The following PIK3C2G variants were observed in gnomAD, a reference collection of about 807,000 sequenced individuals.
The protein encoded by PIK3C2G is phosphatidylinositol 3-kinase C2 domain-containing subunit gamma.
A neutral mutation model predicts 181.1 loss-of-function variants in PIK3C2G; 168 were observed. That is an observed-to-expected ratio of 0.93 (90% confidence interval 0.82 to 1.05). The LOEUF is 1.05. PIK3C2G is among the 50% of genes least tolerant of loss of function. The probability of loss-of-function intolerance (pLI) is 0.00; values close to 1 mark genes in which losing one functional copy is unlikely to be tolerated. For missense variants in PIK3C2G, 1,869 were observed against 1,732.8 expected (o/e 1.08, Z -1.40); for synonymous variants, 573 against 592.2 (o/e 0.97, Z 0.47).
intron 18 of PIK3C2G, among the ~76,000 whole-genome samples, chr12:18,480,089 T>C (rs1244400092): frequency 6.6e-6 from 1 of 152,010 alleles, no homozygotes; most frequent in Non-Finnish European, 1.5e-5. Context: ...AAGGCTTTCT[T>C]GGGGATCAGG....
chr12:18,571,530 T>C (rs1184473692), intron 29 of PIK3C2G, among the ~76,000 whole-genome samples: 2 of 150,836 alleles, frequency 1.3e-5, no homozygotes, highest in Non-Finnish European at 2.9e-5. Context: ...GTGACTGTTA[T>C]TAGGATCACT....
intron 29 of PIK3C2G, among the ~76,000 whole-genome samples, chr12:18,578,723 C>T (rs567556766): frequency 5.3e-5 from 8 of 152,174 alleles, no homozygotes; most frequent in African/African-American, 1.9e-4. Flanking sequence ...ATAGTTATAT[C>T]TACATAAACA....
chr12:18,550,004 T>C (rs540992356), intron 26 of PIK3C2G, among the ~76,000 whole-genome samples: 2 of 152,154 alleles, frequency 1.3e-5, no homozygotes, highest in South Asian at 4.1e-4. Context: ...ATCTCAGTCA[T>C]ATTTTTTAAT....
At chr12:18,379,082 C>T (rs1376860041) in intron 13 of PIK3C2G, among the ~76,000 whole-genome samples, 1 of 152,016 alleles carries the variant, frequency 6.6e-6, no homozygotes, top group African/African-American at 2.4e-5. Context: ...TATTGCGGCA[C>T]TATTCACAAT....
the PIK3C2G span, chr12:18,683,100 T>C: frequency 1.3e-6 from 1 of 767,818 alleles, no homozygotes; most frequent in East Asian, 2.7e-5. Flanking sequence ...TTTTGTATAT[T>C]TTTAAGTGAA....
chr12:18,693,847 T>G, the PIK3C2G span: 3 of 1,526,694 alleles, frequency 2.0e-6, no homozygotes, highest in South Asian at 3.4e-5. Context: ...CCCTGCCTGA[T>G]GAAAAGACGA....
At chr12:18,485,613 C>A (rs992507332) in intron 18 of PIK3C2G, among the ~76,000 whole-genome samples, 6 of 151,934 alleles carry the variant, frequency 3.9e-5, no homozygotes, top group Admixed American at 1.3e-4. Context: ...AAAATAATAC[C>A]AAATTGAATC....
At chr12:18,471,722 A>T (rs1242987167) in intron 18 of PIK3C2G, among the ~76,000 whole-genome samples, 1 of 152,162 alleles carries the variant, frequency 6.6e-6, no homozygotes, top group African/African-American at 2.4e-5. Context: ...GTACCAAAAA[A>T]ATTTATACTA....
the PIK3C2G span, among the ~76,000 whole-genome samples, chr12:18,666,131 A>T: frequency 6.6e-6 from 1 of 152,040 alleles, no homozygotes; most frequent in African/African-American, 2.4e-5. Context: ...AAAGAAATCA[A>T]GTGACACTAG....
chr12:18,418,097 A>G (rs1945283225), intron 16 of PIK3C2G, among the ~76,000 whole-genome samples: 1 of 152,316 alleles, frequency 6.6e-6, no homozygotes, highest in East Asian at 1.9e-4. Flanking sequence ...CCTAGCAATA[A>G]AAAAGAAAAC....
At chr12:18,369,248 C>A (rs1386801544) in intron 12 of PIK3C2G, among the ~76,000 whole-genome samples, 1 of 152,142 alleles carries the variant, frequency 6.6e-6, no homozygotes, top group Non-Finnish European at 1.5e-5. Context: ...TGACTCTGGC[C>A]CTGTCTGCCA....
At chr12:18,428,301 C>A (rs760825144) in intron 18 of PIK3C2G, among the ~76,000 whole-genome samples, 1 of 149,996 alleles carries the variant, frequency 6.7e-6, no homozygotes, top group African/African-American at 2.5e-5. Context: ...AAAAAAAATA[C>A]TCAAAATATC....
chr12:18,452,560 A>G lies in PIK3C2G; in HGVS notation c.2504+28521A>G, dbSNP rs190216360. On this transcript the variant is annotated intron_variant, in intron 18 of 32. Coordinates refer to ENST00000538779, the MANE Select transcript of PIK3C2G (RefSeq NM_001288772.2). Reference sequence around the variant, plus strand: ...TTTTTGGAGGGTTTCTTGTGTCTCTATCTCCTTCAGTTCTGATCTAATCTT... The same window carrying G: ...TTTTTGGAGGGTTTCTTGTGTCTCTGTCTCCTTCAGTTCTGATCTAATCTT... 1.7e-3 allele frequency among the ~76,000 whole-genome samples: 259 copies of G among 150,862 alleles called. 1 individual carries two copies. The highest frequency in any genetic ancestry group is 6.2e-3 in the African/African-American group (255 of 41,198).
chr12:18,359,488 C>T (rs1229729960), intron 11 of PIK3C2G, among the ~76,000 whole-genome samples: 1 of 152,104 alleles, frequency 6.6e-6, no homozygotes, highest in African/African-American at 2.4e-5. Context: ...TGTTTACTTA[C>T]CTTCTGTCTG....
intron 25 of PIK3C2G, among the ~76,000 whole-genome samples, 171 bp downstream of exon 25, chr12:18,538,483 T>G (rs1943981297): frequency 6.6e-6 from 1 of 151,964 alleles, no homozygotes; most frequent in African/African-American, 2.4e-5. Context: ...TCTTAATAAT[T>G]TAATATGTTC....
chr12:18,565,820 CA>C (rs1445040560), intron 28 of PIK3C2G, among the ~76,000 whole-genome samples: 1 of 152,048 alleles, frequency 6.6e-6, no homozygotes, highest in African/African-American at 2.4e-5. Context: ...TTTGTTCTAT[CA>C]ACAAGGAAAA....
At chr12:18,448,445 C>A (rs1456477095) in intron 18 of PIK3C2G, among the ~76,000 whole-genome samples, 2 of 152,042 alleles carry the variant, frequency 1.3e-5, no homozygotes, top group African/African-American at 4.8e-5. Flanking sequence ...GATCAATATA[C>A]AATACAGTGT....
chr12:18,628,294 T>C (rs1479252363), intron 31 of PIK3C2G, among the ~76,000 whole-genome samples: 1 of 152,212 alleles, frequency 6.6e-6, no homozygotes, highest in African/African-American at 2.4e-5. Context: ...ATGAAAATAC[T>C]GAAGAGTTGC....
chr12:18,577,539 G>A (rs1946295777), intron 29 of PIK3C2G, among the ~76,000 whole-genome samples: 1 of 152,040 alleles, frequency 6.6e-6, no homozygotes, highest in Non-Finnish European at 1.5e-5. Flanking sequence ...ATGGGAGAAG[G>A]CATTTATATC....
Sources: gnomAD v4.1 joint callset for allele counts (sites outside exome capture counted in the v4.1 genomes callset) on GRCh38, gnomAD v4.1.1 for gene constraint, MANE v1.5 for transcripts, NCBI Gene and HGNC (gene_info 2026-07-23, HGNC 2026-07-21) for gene names.